The following TMCC1 variants were observed in gnomAD, a reference collection of about 807,000 sequenced individuals.
The protein encoded by TMCC1 is transmembrane and coiled-coil domain family 1.
Under a neutral mutation model 52.4 loss-of-function variants are expected in TMCC1, and 15 were observed. The observed-to-expected ratio is 0.29, with a 90% CI of 0.19 to 0.44. The LOEUF is 0.44. TMCC1 is among the 20% of genes least tolerant of loss of function. The probability of loss-of-function intolerance (pLI) is 1.00; values close to 1 mark genes in which losing one functional copy is unlikely to be tolerated. For missense variants in TMCC1, 503 were observed against 806.0 expected (o/e 0.62, Z 4.55); for synonymous variants, 279 against 301.9 (o/e 0.92, Z 0.79).
chr3:129,732,006 T>C (rs2050586082), intron 4 of TMCC1, among the ~76,000 whole-genome samples: 1 of 152,190 alleles, frequency 6.6e-6, no homozygotes. Context: ...GGATTCAACA[T>C]AGTATTTCAT....
At chr3:129,852,630 C>T (rs1229953462) in intron 2 of TMCC1, among the ~76,000 whole-genome samples, 4 of 152,074 alleles carry the variant, frequency 2.6e-5, no homozygotes, top group African/African-American at 7.2e-5. Flanking sequence ...CTGATGGTTA[C>T]ACATTATGAA....
chr3:129,738,468 CTACTT>C, intron 4 of TMCC1, among the ~76,000 whole-genome samples: 1 of 152,088 alleles, frequency 6.6e-6, no homozygotes. Context: ...AATCCATAAC[CTACTT>C]TACTTCCAAA....
chr3:129,730,798 C>T lies in TMCC1; in HGVS notation c.577-59534G>A, dbSNP rs185966625. On this transcript the variant is annotated intron_variant, in intron 4 of 6. Coordinates refer to ENST00000393238, the MANE Select transcript of TMCC1 (RefSeq NM_001017395.5). ...CAGTTTACATGAAGCGGACCAAATT[C>T]TCAAACAACAAACTACCAGAATCAC... 1.2e-4 allele frequency among the ~76,000 whole-genome samples: 18 copies of T among 152,268 alleles called. No individual in the cohort carries two copies. In the East Asian group the frequency reaches 3.5e-3, roughly 29 times the overall value.
intron 4 of TMCC1, among the ~76,000 whole-genome samples, chr3:129,726,186 C>T (rs1408321267): frequency 6.6e-6 from 1 of 152,188 alleles, no homozygotes; most frequent in Non-Finnish European, 1.5e-5. Context: ...ACTTTTGCAG[C>T]TCTAAATTAC....
intron 4 of TMCC1, among the ~76,000 whole-genome samples, chr3:129,823,786 T>C (rs1293609509): frequency 1.3e-5 from 2 of 152,192 alleles, no homozygotes; most frequent in Non-Finnish European, 2.9e-5. Flanking sequence ...GGACTTTGGA[T>C]ACTAAAATTC....
intron 4 of TMCC1, among the ~76,000 whole-genome samples, chr3:129,781,095 A>G (rs1368613836): frequency 6.6e-6 from 1 of 152,006 alleles, no homozygotes; most frequent in Non-Finnish European, 1.5e-5. Context: ...TTACCACACT[A>G]TTTACACCAT....
At chr3:129,709,497 A>AAAAAAAAAAAAGAG (rs554837910) in intron 4 of TMCC1, among the ~76,000 whole-genome samples, 1 of 64,074 alleles carries the variant, frequency 1.6e-5, no homozygotes, top group East Asian at 5.7e-4. Context: ...AAAAAAAAAA[A>AAAAAAAAAAAAGAG]AGAGAGAGAG....
At chr3:129,811,723 C>T (rs1319881405) in intron 4 of TMCC1, among the ~76,000 whole-genome samples, 5 of 151,962 alleles carry the variant, frequency 3.3e-5, no homozygotes, top group African/African-American at 1.2e-4. Context: ...GTGGGCAGAT[C>T]ACCTGAGGTC....
At chr3:129,699,267 T>G (rs2047638481) in intron 4 of TMCC1, among the ~76,000 whole-genome samples, 1 of 152,192 alleles carries the variant, frequency 6.6e-6, no homozygotes, top group African/African-American at 2.4e-5. Context: ...ATCAAGACCT[T>G]GCTGATAAAA....
rs148714488 is a variant in TMCC1, at chr3:129,681,459, T to C, written c.577-10195A>G. Among the ~76,000 whole-genome samples the C allele has an allele frequency of 1.7e-3, 260 of 152,206 alleles. 1 individual carries two copies. Among genetic ancestry groups the C allele is most frequent in the African/African-American group, 6.1e-3 (253 of 41,508 alleles). ...TGATAAGTAGTCAACGTTTTTTTTT[T>C]TCAGTAGGGAACTAACATTACCAGA... On this transcript the variant is annotated intron_variant, in intron 4 of 6. Transcript: ENST00000393238.
intron 2 of TMCC1, among the ~76,000 whole-genome samples, chr3:129,863,039 T>C (rs577726681): frequency 2.0e-5 from 3 of 152,354 alleles, no homozygotes; most frequent in African/African-American, 4.8e-5. Flanking sequence ...TTCGTTTTCA[T>C]TGTCTTCTCC....
At chr3:129,846,521 GCTT>G (rs756136566) in intron 2 of TMCC1, among the ~76,000 whole-genome samples, 3 of 151,996 alleles carry the variant, frequency 2.0e-5, no homozygotes, top group Non-Finnish European at 4.4e-5. Context: ...TCTTTCTTGT[GCTT>G]CTATTTTATA....
intron 2 of TMCC1, among the ~76,000 whole-genome samples, chr3:129,842,604 A>C (rs1200508720): frequency 1.3e-5 from 2 of 152,316 alleles, no homozygotes; most frequent in South Asian, 4.1e-4. Context: ...CTGAATATAC[A>C]TTCTTTTCAA....
At chr3:129,837,163 T>C (rs185461701) in intron 2 of TMCC1, among the ~76,000 whole-genome samples, 30 of 151,712 alleles carry the variant, frequency 2.0e-4, no homozygotes, top group African/African-American at 5.3e-4. Flanking sequence ...CCCATAGCAG[T>C]TGGGAAAAAG....
chr3:129,738,273 C>CAA (rs575044593), intron 4 of TMCC1, among the ~76,000 whole-genome samples: 2,271 of 118,574 alleles, frequency 0.019, 60 homozygotes, highest in African/African-American at 0.047. Flanking sequence ...TCCGCCTAAA[C>CAA]AAAAAAAAAA....
intron 4 of TMCC1, among the ~76,000 whole-genome samples, chr3:129,756,562 C>T (rs2053030981): frequency 6.6e-6 from 1 of 152,110 alleles, no homozygotes; most frequent in African/African-American, 2.4e-5. Flanking sequence ...CCAAGCCTGG[C>T]TGATTTTTGT....
chr3:129,735,048 C>T (rs1295100749), intron 4 of TMCC1, among the ~76,000 whole-genome samples: 1 of 151,860 alleles, frequency 6.6e-6, no homozygotes, highest in Non-Finnish European at 1.5e-5. Context: ...ACTACAGGCG[C>T]CCGCCACCAC....
intron 4 of TMCC1, among the ~76,000 whole-genome samples, chr3:129,756,748 G>A (rs962099547): frequency 6.6e-6 from 1 of 152,158 alleles, no homozygotes; most frequent in African/African-American, 2.4e-5. Context: ...CAGACTCAAA[G>A]TGTTACATGT....
rs1400247786 is a variant in TMCC1, at chr3:129,764,775, A to G, written c.576+63028T>C. ...TGTGTGTGTATATATATATATATAT[A>G]TATATATATATATATTTTTTTTTTT... On this transcript the variant is annotated intron_variant, in intron 4 of 6. Transcript: ENST00000393238. Among the ~76,000 whole-genome samples the G allele has an allele frequency of 3.9e-3, 267 of 68,114 alleles. 5 individuals are homozygous for G. The highest frequency in any genetic ancestry group is 0.012 in the African/African-American group (176 of 14,736). The allele number at this position is 68,114 out of a possible 152,430, so 44.7% of individuals were successfully genotyped here.
Sources: allele counts gnomAD v4.1 joint callset (sites outside exome capture counted in the v4.1 genomes callset), GRCh38; gene constraint gnomAD v4.1.1; transcripts MANE v1.5; gene names NCBI Gene and HGNC (gene_info 2026-07-23, HGNC 2026-07-21).